DKK2: variants seen among roughly 807,000 people sequenced by gnomAD.
DKK2 encodes the protein dickkopf Wnt signaling pathway inhibitor 2, also known as dickkopf-related protein 2.
A neutral mutation model predicts 28.1 loss-of-function variants in DKK2; 11 were observed. The ratio of observed to expected loss-of-function variants is 0.39; its 90% CI spans 0.25 to 0.65. The LOEUF is 0.65. Ranked by LOEUF, DKK2 falls within the 30% of genes least tolerant of loss-of-function variation. The pLI is 0.47. For missense variants in DKK2, 326 were observed against 335.5 expected (o/e 0.97, Z 0.22); for synonymous variants, 135 against 126.5 (o/e 1.07, Z -0.45).
intron 1 of DKK2, among the ~76,000 whole-genome samples, chr4:107,033,072 T>C (rs1230799093): frequency 6.6e-6 from 1 of 152,228 alleles, no homozygotes. Flanking sequence ...TTCATAACAG[T>C]ACATACTTTA....
At chr4:107,008,874 G>A (rs540006740) in intron 1 of DKK2, among the ~76,000 whole-genome samples, 6 of 152,042 alleles carry the variant, frequency 3.9e-5, no homozygotes, top group African/African-American at 1.4e-4. Context: ...GACATGTTAA[G>A]CAGAAATTTT....
At chr4:107,011,268 A>G (rs1241268998) in intron 1 of DKK2, among the ~76,000 whole-genome samples, 3 of 151,560 alleles carry the variant, frequency 2.0e-5, no homozygotes, top group Non-Finnish European at 3.0e-5. Context: ...TCTACTTTAC[A>G]CTGTGATTTT....
intron 1 of DKK2, among the ~76,000 whole-genome samples, chr4:106,965,420 G>C (rs1240491717): frequency 1.3e-5 from 2 of 151,978 alleles, no homozygotes; most frequent in African/African-American, 4.8e-5. Context: ...GAGTTATACA[G>C]GTTTTCTCAC....
intron 1 of DKK2, among the ~76,000 whole-genome samples, chr4:107,030,202 C>T (rs992069442): frequency 2.6e-5 from 4 of 152,006 alleles, no homozygotes; most frequent in Non-Finnish European, 5.9e-5. Flanking sequence ...AATGCTGTAT[C>T]GACTGACTTC....
intron 1 of DKK2, among the ~76,000 whole-genome samples, chr4:107,019,477 A>G (rs1343866030): frequency 6.6e-6 from 1 of 152,030 alleles, no homozygotes; most frequent in Non-Finnish European, 1.5e-5. Context: ...TAAGTGAGGC[A>G]ACATAAAATT....
chr4:106,924,365 T>C (rs1425257198), intron 3 of DKK2, 161 bp from the exon 4 acceptor site: 1 of 1,247,996 alleles, frequency 8.0e-7, no homozygotes, highest in African/African-American at 1.5e-5. Flanking sequence ...CTCTGCCTCT[T>C]ATCACATAAA....
chr4:106,986,661 C>A (rs569049964), intron 1 of DKK2, among the ~76,000 whole-genome samples: 1 of 152,272 alleles, frequency 6.6e-6, no homozygotes, highest in South Asian at 2.1e-4. Flanking sequence ...TCACATCACA[C>A]ACACACACAC....
chr4:107,018,517 C>T (rs1192259101), intron 1 of DKK2, among the ~76,000 whole-genome samples: 1 of 152,088 alleles, frequency 6.6e-6, no homozygotes, highest in African/African-American at 2.4e-5. Context: ...GGGTATATTG[C>T]TAGCTCCAGA....
intron 1 of DKK2, among the ~76,000 whole-genome samples, chr4:106,990,097 G>A (rs1380323478): frequency 6.6e-6 from 1 of 152,048 alleles, no homozygotes; most frequent in Admixed American, 6.6e-5. Context: ...GTAAAATGTA[G>A]TCTGATAAAA....
intron 1 of DKK2, among the ~76,000 whole-genome samples, chr4:107,013,258 A>G (rs1723540355): frequency 6.6e-6 from 1 of 151,512 alleles, no homozygotes; most frequent in Non-Finnish European, 1.5e-5. Flanking sequence ...ACAAAGTTGT[A>G]GGCATCATAC....
chr4:107,029,889 ACT>A (rs887379074), intron 1 of DKK2, among the ~76,000 whole-genome samples: 30 of 151,980 alleles, frequency 2.0e-4, no homozygotes, highest in African/African-American at 7.2e-4. Flanking sequence ...GTCCCTTTTG[ACT>A]CTGTGGAAAA....
At chr4:106,988,698 C>T (rs534400015) in intron 1 of DKK2, among the ~76,000 whole-genome samples, 1 of 152,344 alleles carries the variant, frequency 6.6e-6, no homozygotes, top group East Asian at 1.9e-4. Context: ...CGTTTAAAAA[C>T]TCCCATGAAG....
At chr4:106,974,820 G>A (rs71569252) in intron 1 of DKK2, among the ~76,000 whole-genome samples, 14 of 152,030 alleles carry the variant, frequency 9.2e-5, no homozygotes, top group African/African-American at 2.7e-4. Context: ...TTCTTGTGCC[G>A]GTTTTCAAAG....
intron 1 of DKK2, among the ~76,000 whole-genome samples, chr4:106,989,512 TTAA>T (rs1363512742): frequency 6.6e-6 from 1 of 152,226 alleles, no homozygotes; most frequent in East Asian, 1.9e-4. Context: ...CTTCACTATA[TTAA>T]TATTTCCTTC....
intron 1 of DKK2, among the ~76,000 whole-genome samples, chr4:106,927,790 C>T (rs1394339738): frequency 6.6e-6 from 1 of 152,150 alleles, no homozygotes; most frequent in East Asian, 1.9e-4. Flanking sequence ...GTTTCTGATT[C>T]ATTTACATTT....
At position 106,924,053 on chromosome 4, in the gene DKK2, A is replaced by T; in HGVS notation, c.681T>A (p.Ile227=). 1 of 1,613,938 alleles carries T rather than the reference A, an allele frequency of 6.2e-7. No individual in the cohort carries two copies. The highest frequency in any genetic ancestry group is 1.7e-5 in the Admixed American group (1 of 60,002). ...CCTTCGCACAGTCGCAACGCTGGAA[A>T]ATTTCCAGCCCATGAGAACCCTTCT... is the stretch of plus-strand genomic sequence containing the variant. ...QRKKGSHGLE[I]FQRCDCAKGL... Residue 227 remains isoleucine, a synonymous_variant, in exon 4 of 4, where the codon ATT becomes ATA. Transcript: ENST00000285311.
intron 1 of DKK2, among the ~76,000 whole-genome samples, chr4:107,013,358 A>G (rs1723541654): frequency 6.6e-6 from 1 of 151,312 alleles, no homozygotes; most frequent in Admixed American, 6.6e-5. Context: ...AAACCAATGG[A>G]ACAAAATAGA....
At chr4:106,957,560 A>G (rs1722613701) in intron 1 of DKK2, among the ~76,000 whole-genome samples, 2 of 151,952 alleles carry the variant, frequency 1.3e-5, no homozygotes, top group East Asian at 3.9e-4. Flanking sequence ...ACACCATGGA[A>G]TACTATGCAG....
intron 1 of DKK2, among the ~76,000 whole-genome samples, chr4:106,932,313 C>G (rs1235714648): frequency 3.9e-5 from 6 of 152,076 alleles, no homozygotes; most frequent in African/African-American, 1.4e-4. Flanking sequence ...CAGAAAGCGT[C>G]ATTTAAATCC....
Sources: allele counts gnomAD v4.1 joint callset (sites outside exome capture counted in the v4.1 genomes callset), GRCh38; gene constraint gnomAD v4.1.1; transcripts MANE v1.5; gene names NCBI Gene and HGNC (gene_info 2026-07-23, HGNC 2026-07-21).